NOL4: variants seen among roughly 807,000 people sequenced by gnomAD.
NOL4 encodes cancer/testis antigen 125.
A neutral mutation model predicts 75.9 loss-of-function variants in NOL4; 17 were observed. The observed-to-expected ratio is 0.22, with a 90% CI of 0.15 to 0.34. The LOEUF is 0.34. NOL4 is among the 10% of genes least tolerant of loss of function. The pLI is 1.00. For missense variants in NOL4, 614 were observed against 793.5 expected (o/e 0.77, Z 2.72); for synonymous variants, 292 against 289.9 (o/e 1.01, Z -0.07).
At chr18:33,862,382 A>T (rs2063190289) in intron 10 of NOL4, among the ~76,000 whole-genome samples, 1 of 152,206 alleles carries the variant, frequency 6.6e-6, no homozygotes, top group Admixed American at 6.5e-5. Context: ...TGTCTAAAAC[A>T]CCAAAAGCAA....
At chr18:33,958,150 T>A (rs778519323) in intron 7 of NOL4, 89 bp downstream of exon 7, 55 of 1,191,804 alleles carry the variant, frequency 4.6e-5, no homozygotes, top group Non-Finnish European at 6.2e-5. Flanking sequence ...AACAAACATG[T>A]CTCTAAAATA....
At chr18:34,033,843 G>T (rs2075758344) in intron 5 of NOL4, among the ~76,000 whole-genome samples, 2 of 151,928 alleles carry the variant, frequency 1.3e-5, no homozygotes, top group Non-Finnish European at 2.9e-5. Context: ...TAGACTAATA[G>T]AATTCTCAGC....
chr18:34,203,813 C>A (rs1485637538), intron 1 of NOL4, among the ~76,000 whole-genome samples: 3 of 150,412 alleles, frequency 2.0e-5, no homozygotes, highest in African/African-American at 7.3e-5. Context: ...AGCAAGTGGC[C>A]TTGAGAATGA....
At chr18:34,146,346 T>G (rs2081390772) in intron 1 of NOL4, among the ~76,000 whole-genome samples, 2 of 152,194 alleles carry the variant, frequency 1.3e-5, no homozygotes, top group African/African-American at 4.8e-5. Context: ...CTTCTAGGGT[T>G]TTCATGGTTT....
chr18:34,134,459 C>CAT (rs1295222245), intron 1 of NOL4, among the ~76,000 whole-genome samples: 1 of 133,052 alleles, frequency 7.5e-6, no homozygotes, highest in Non-Finnish European at 1.6e-5. Context: ...CACACACACA[C>CAT]ACACACACAC....
rs554017363 is a variant in NOL4 at position 33,988,177 on chromosome 18, G to A, written c.1057-29759C>T. Among the ~76,000 whole-genome samples the A allele has an allele frequency of 7.2e-5, 11 of 152,124 alleles. No individual in the cohort carries two copies. In the East Asian group the frequency reaches 2.1e-3, roughly 30 times the overall value. On this transcript the variant is annotated intron_variant, in intron 6 of 10. Transcript: ENST00000261592. ...TTTGAAAAAGAAAAACACTGTCATAGGGCAAGGTGTAATTGACTCTACACT... is the reference window on the plus strand; with the variant it reads ...TTTGAAAAAGAAAAACACTGTCATAAGGCAAGGTGTAATTGACTCTACACT...
chr18:33,897,727 A>G (rs1197757320), intron 9 of NOL4, among the ~76,000 whole-genome samples: 1 of 152,148 alleles, frequency 6.6e-6, no homozygotes, highest in Non-Finnish European at 1.5e-5. Flanking sequence ...TGACTACGTA[A>G]CAAACCTTCA....
At chr18:34,123,714 A>G (rs180837422) in intron 2 of NOL4, among the ~76,000 whole-genome samples, 8 of 149,410 alleles carry the variant, frequency 5.4e-5, no homozygotes, top group African/African-American at 1.9e-4. Flanking sequence ...ATAGAGAGAT[A>G]GATGGATACA....
chr18:34,127,978 T>TCA (rs2080460266), intron 2 of NOL4, among the ~76,000 whole-genome samples: 1 of 151,880 alleles, frequency 6.6e-6, no homozygotes, highest in African/African-American at 2.4e-5. Context: ...GGACATACTT[T>TCA]CAAAGGTTAT....
intron 1 of NOL4, among the ~76,000 whole-genome samples, chr18:34,174,291 G>A (rs879420556): frequency 9.7e-6 from 1 of 102,630 alleles, no homozygotes; most frequent in Non-Finnish European, 1.9e-5. Flanking sequence ...AAGAACCTCT[G>A]AAAATTTGCT....
At chr18:34,175,920 C>T (rs533842243) in intron 1 of NOL4, among the ~76,000 whole-genome samples, 1 of 152,084 alleles carries the variant, frequency 6.6e-6, no homozygotes, top group Middle Eastern at 3.4e-3. Context: ...TATCAATTTT[C>T]ATTAAAAAAT....
intron 1 of NOL4, among the ~76,000 whole-genome samples, chr18:34,173,159 T>C (rs1412315764): frequency 1.3e-5 from 2 of 152,010 alleles, no homozygotes; most frequent in African/African-American, 4.8e-5. Flanking sequence ...GAAAGACAAA[T>C]ACTGAATGAT....
At chr18:34,037,011 C>T (rs1304197435) in intron 5 of NOL4, among the ~76,000 whole-genome samples, 1 of 152,076 alleles carries the variant, frequency 6.6e-6, no homozygotes, top group East Asian at 1.9e-4. Flanking sequence ...ATGACATAAT[C>T]CTATATCTAG....
chr18:34,029,978 A>G (rs2075554477), intron 5 of NOL4, among the ~76,000 whole-genome samples: 1 of 152,222 alleles, frequency 6.6e-6, no homozygotes, highest in Non-Finnish European at 1.5e-5. Flanking sequence ...TTCACATACA[A>G]ATCACTTCAG....
chr18:33,855,975 G>A (rs544559531), intron 10 of NOL4, among the ~76,000 whole-genome samples: 55 of 152,032 alleles, frequency 3.6e-4, no homozygotes, highest in African/African-American at 1.3e-3. Context: ...TTAGGACAAA[G>A]TTTTGTTTTT....
intron 1 of NOL4, among the ~76,000 whole-genome samples, chr18:34,163,945 C>A (rs1025840292): frequency 1.3e-5 from 2 of 152,120 alleles, no homozygotes; most frequent in Non-Finnish European, 2.9e-5. Context: ...CGCTTATCTA[C>A]AACTATCTGA....
intron 9 of NOL4, among the ~76,000 whole-genome samples, chr18:33,928,703 A>C (rs967135854): frequency 3.3e-5 from 5 of 152,196 alleles, no homozygotes; most frequent in Admixed American, 1.3e-4. Context: ...TTTTTTAAAA[A>C]ATGCATTGTT....
At chr18:34,216,171 A>G (rs1174045718) in intron 1 of NOL4, among the ~76,000 whole-genome samples, 3 of 152,224 alleles carry the variant, frequency 2.0e-5, no homozygotes, top group African/African-American at 7.2e-5. Flanking sequence ...TACGCAGGAC[A>G]AAATATAGAG....
chr18:33,880,963 C>T (rs180757907), intron 10 of NOL4, among the ~76,000 whole-genome samples: 3 of 152,064 alleles, frequency 2.0e-5, no homozygotes, highest in Non-Finnish European at 2.9e-5. Context: ...AGCAGATTCT[C>T]ACGGACTATT....
Sources: gnomAD v4.1 joint callset for allele counts (sites outside exome capture counted in the v4.1 genomes callset) on GRCh38, gnomAD v4.1.1 for gene constraint, MANE v1.5 for transcripts, NCBI Gene and HGNC (gene_info 2026-07-23, HGNC 2026-07-21) for gene names.